The following MGMT variants were observed in gnomAD, a reference collection of about 807,000 sequenced individuals.
MGMT encodes methylated-DNA--protein-cysteine methyltransferase.
Under a neutral mutation model 15.9 loss-of-function variants are expected in MGMT, and 14 were observed. The ratio of observed to expected loss-of-function variants is 0.88; its 90% CI spans 0.58 to 1.37. The LOEUF (loss-of-function observed/expected upper bound fraction) is 1.37, where lower values mean the gene tolerates loss of function less well. Among genes scored for constraint, MGMT ranks in the 40% most tolerant of loss-of-function variants. The pLI, the probability that MGMT is intolerant of heterozygous loss-of-function variation, is 0.00. For missense variants in MGMT, 282 were observed against 268.1 expected, an observed-to-expected ratio of 1.05 and a Z score of -0.36; for synonymous variants, 130 against 118.2, an observed-to-expected ratio of 1.10 and a Z score of -0.65.
intron 1 of MGMT, among the ~76,000 whole-genome samples, chr10:129,500,560 C>T (rs1437815373): frequency 1.3e-5 from 2 of 152,008 alleles, no homozygotes; most frequent in Non-Finnish European, 2.9e-5. Flanking sequence ...CGAATGTTAA[C>T]GTTATTATTT....
chr10:129,752,318 G>T (rs1038286731), intron 3 of MGMT, among the ~76,000 whole-genome samples: 18 of 151,666 alleles, frequency 1.2e-4, no homozygotes, highest in African/African-American at 3.9e-4. Flanking sequence ...ATTTGTGTTT[G>T]CATGGTATAT....
At chr10:129,494,324 T>C (rs1170978819) in intron 1 of MGMT, among the ~76,000 whole-genome samples, 1 of 152,198 alleles carries the variant, frequency 6.6e-6, no homozygotes, top group Non-Finnish European at 1.5e-5. Flanking sequence ...TGCTGGACCC[T>C]GACCTTGAAC....
intron 2 of MGMT, among the ~76,000 whole-genome samples, chr10:129,565,043 C>T (rs572594391): frequency 6.6e-5 from 10 of 152,206 alleles, no homozygotes; most frequent in Non-Finnish European, 5.9e-5. Context: ...CTTGACTTTG[C>T]GACACGCACA....
At chr10:129,534,335 G>A (rs1458893527) in intron 1 of MGMT, among the ~76,000 whole-genome samples, 2 of 152,084 alleles carry the variant, frequency 1.3e-5, no homozygotes, top group Non-Finnish European at 2.9e-5. Flanking sequence ...TGTGATGTGG[G>A]CAGAGCCTCT....
chr10:129,481,825 C>T (rs1845361036), intron 1 of MGMT, among the ~76,000 whole-genome samples: 2 of 152,078 alleles, frequency 1.3e-5, no homozygotes, highest in African/African-American at 2.4e-5. Flanking sequence ...CACTTTGTCC[C>T]CTTTTTTGCT....
chr10:129,732,632 G>A (rs1225829866), intron 3 of MGMT, among the ~76,000 whole-genome samples: 2 of 149,586 alleles, frequency 1.3e-5, no homozygotes, highest in Non-Finnish European at 3.0e-5. Flanking sequence ...ATGTATACAT[G>A]TGCCATGCTT....
intron 2 of MGMT, among the ~76,000 whole-genome samples, chr10:129,625,631 A>G (rs890469204): frequency 2.6e-5 from 4 of 152,378 alleles, no homozygotes; most frequent in African/African-American, 4.8e-5. Flanking sequence ...AAAGCATTTG[A>G]CAAATTTCAA....
Position 129,533,010 on chromosome 10 carries a change from C to T in MGMT, c.-12-3231C>T, listed in dbSNP as rs1051804986. ...CAGGCGTCAGCACCAGGGCTGGGCTCCTGCCTGGGACTCGAATCGGGAGCA... is the reference window on the plus strand; with the variant it reads ...CAGGCGTCAGCACCAGGGCTGGGCTTCTGCCTGGGACTCGAATCGGGAGCA... On this transcript the variant is annotated intron_variant, in intron 1 of 4. Transcript: ENST00000651593. This position sits in a 1 kb window ranked among gnomAD's most constrained non-coding sequence, Gnocchi z 4.5. Among the ~76,000 whole-genome samples, 6 of 152,232 alleles carry T rather than the reference C, an allele frequency of 3.9e-5. No homozygotes were observed. Among genetic ancestry groups the T allele is most frequent in the Non-Finnish European group, 5.9e-5 (4 of 68,044 alleles).
At chr10:129,625,405 A>G (rs1847135257) in intron 2 of MGMT, among the ~76,000 whole-genome samples, 1 of 152,256 alleles carries the variant, frequency 6.6e-6, no homozygotes, top group Non-Finnish European at 1.5e-5. Context: ...AAGATGTGTC[A>G]AGGATGTTTG....
At chr10:129,734,118 G>C (rs562075222) in intron 3 of MGMT, among the ~76,000 whole-genome samples, 387 of 151,546 alleles carry the variant, frequency 2.6e-3, no homozygotes, top group Non-Finnish European at 3.4e-3. Flanking sequence ...TAGCTTGATG[G>C]GGATGGCACT....
intron 2 of MGMT, among the ~76,000 whole-genome samples, chr10:129,685,533 C>T (rs1263483412): frequency 1.3e-5 from 2 of 152,206 alleles, no homozygotes; most frequent in African/African-American, 4.8e-5. Flanking sequence ...GTGGGCTCCT[C>T]TCCCCGGGGC....
chr10:129,613,507 G>A (rs929511479), intron 2 of MGMT, among the ~76,000 whole-genome samples: 4 of 152,150 alleles, frequency 2.6e-5, no homozygotes, highest in African/African-American at 9.7e-5. Flanking sequence ...CTAGTCTGTC[G>A]GGAGGTCTCT....
At chr10:129,562,103 G>A (rs1026388782) in intron 2 of MGMT, among the ~76,000 whole-genome samples, 2 of 152,166 alleles carry the variant, frequency 1.3e-5, no homozygotes, top group Non-Finnish European at 2.9e-5. Flanking sequence ...ACTCAGAATG[G>A]CATGGGTGAA....
At chr10:129,598,567 C>A (rs73386960) in intron 2 of MGMT, among the ~76,000 whole-genome samples, 3,713 of 152,174 alleles carry the variant, frequency 0.024, 96 homozygotes, top group African/African-American at 0.066. Flanking sequence ...TTGGGAGAAC[C>A]CAAAACCACA....
chr10:129,725,494 G>A (rs893685690), intron 3 of MGMT, among the ~76,000 whole-genome samples: 23 of 152,264 alleles, frequency 1.5e-4, no homozygotes, highest in African/African-American at 4.1e-4. Context: ...TACTTAGAAT[G>A]TCAAATTAAT....
At chr10:129,692,727 G>C (rs1847983797) in intron 2 of MGMT, among the ~76,000 whole-genome samples, 1 of 152,188 alleles carries the variant, frequency 6.6e-6, no homozygotes, top group Admixed American at 6.5e-5. Context: ...GAAGGAAGGG[G>C]AAAGAAGCTC....
At chr10:129,576,268 T>C (rs1353137646) in intron 2 of MGMT, among the ~76,000 whole-genome samples, 2 of 152,106 alleles carry the variant, frequency 1.3e-5, no homozygotes, top group South Asian at 2.1e-4. Context: ...TTGATGAACA[T>C]TGATGCAAAA....
At chr10:129,649,520 A>G (rs1847433259) in intron 2 of MGMT, among the ~76,000 whole-genome samples, 1 of 152,194 alleles carries the variant, frequency 6.6e-6, no homozygotes, top group Admixed American at 6.5e-5. Context: ...GAGTTCAGCA[A>G]ATATTGGCAG....
chr10:129,535,181 G>GGGA (rs1845972076), intron 1 of MGMT, among the ~76,000 whole-genome samples: 1 of 152,094 alleles, frequency 6.6e-6, no homozygotes, highest in Non-Finnish European at 1.5e-5. Flanking sequence ...CAGGTGTGAT[G>GGGA]GGAGCCGTGA....
Sources: gnomAD v4.1 joint callset for allele counts (sites outside exome capture counted in the v4.1 genomes callset) on GRCh38, gnomAD v4.1.1 for gene constraint, Gnocchi (gnomAD v3.1) non-coding constraint, MANE v1.5 for transcripts, NCBI Gene and HGNC (gene_info 2026-07-23, HGNC 2026-07-21) for gene names.